IGBP1C: variants seen among roughly 807,000 people sequenced by gnomAD.
IGBP1C encodes immunoglobulin-binding protein 1 family member C.
At chr17:58,683,960 G>C in the IGBP1C span, among the ~76,000 whole-genome samples, 1 of 151,900 alleles carries the variant, frequency 6.6e-6, no homozygotes, top group Non-Finnish European at 1.5e-5. Flanking sequence ...AGCTACTCGG[G>C]AGGCTGAGGC....
chr17:58,687,184 C>A, the IGBP1C span, among the ~76,000 whole-genome samples: 1 of 152,106 alleles, frequency 6.6e-6, no homozygotes, highest in African/African-American at 2.4e-5. Context: ...GGCAATCACT[C>A]CCTGGCACTG....
At chr17:58,676,892 A>C in the IGBP1C span, among the ~76,000 whole-genome samples, 5 of 152,118 alleles carry the variant, frequency 3.3e-5, no homozygotes, top group Non-Finnish European at 7.4e-5. Context: ...GTACTTTGGG[A>C]GGACGAGGCA....
the IGBP1C span, among the ~76,000 whole-genome samples, chr17:58,689,786 T>C: frequency 6.6e-6 from 1 of 152,084 alleles, no homozygotes; most frequent in Non-Finnish European, 1.5e-5. Flanking sequence ...ACAGAGCAAA[T>C]TGCATTAAAG....
chr17:58,672,668 C>T, the IGBP1C span, among the ~76,000 whole-genome samples: 4 of 152,210 alleles, frequency 2.6e-5, no homozygotes, highest in Middle Eastern at 3.4e-3. Context: ...TGGCCTCGAA[C>T]TCCTTGGCCA....
the IGBP1C span, among the ~76,000 whole-genome samples, chr17:58,682,819 C>G: frequency 6.6e-6 from 1 of 152,160 alleles, no homozygotes; most frequent in South Asian, 2.1e-4. Flanking sequence ...CTGTCCTCCA[C>G]TGCCTTGTAA....
chr17:58,685,781 CAGG>C, the IGBP1C span, among the ~76,000 whole-genome samples: 2 of 151,396 alleles, frequency 1.3e-5, no homozygotes, highest in Non-Finnish European at 1.5e-5. Context: ...CACCTGAGGT[CAGG>C]AGTTCAAGAT....
At chr17:58,667,643 G>A in the IGBP1C span, among the ~76,000 whole-genome samples, 1 of 152,192 alleles carries the variant, frequency 6.6e-6, no homozygotes, top group South Asian at 2.1e-4. Context: ...CCAACACTTT[G>A]GGAGGCTGAG....
the IGBP1C span, chr17:58,661,482 C>A: frequency 1.3e-6 from 1 of 781,600 alleles, no homozygotes; most frequent in Non-Finnish European, 2.4e-6. Flanking sequence ...TTTTCCTGGA[C>A]TATTCGGGAA....
the IGBP1C span, among the ~76,000 whole-genome samples, chr17:58,678,952 G>A: frequency 6.7e-4 from 102 of 151,908 alleles, 2 homozygotes; most frequent in Middle Eastern, 6.8e-3. Context: ...TTAGGAGTGC[G>A]AGACCAGCCT....
chr17:58,690,502 A>G, the IGBP1C span, among the ~76,000 whole-genome samples: 1 of 152,152 alleles, frequency 6.6e-6, no homozygotes, highest in Admixed American at 6.5e-5. Flanking sequence ...AACGAAAGAA[A>G]TTCTAAACAC....
the IGBP1C span, among the ~76,000 whole-genome samples, chr17:58,670,632 G>C: frequency 6.6e-6 from 1 of 151,588 alleles, no homozygotes; most frequent in South Asian, 2.1e-4. Flanking sequence ...AATTAGCTGG[G>C]TGTGGTGGCA....
At chr17:58,679,432 A>G in the IGBP1C span, 1 of 140,146 alleles carries the variant, frequency 7.1e-6, no homozygotes, top group Admixed American at 7.1e-5. Context: ...GAAGGCATCA[A>G]TCTCTCGCTA....
chr17:58,662,108 T>C, the IGBP1C span, among the ~76,000 whole-genome samples: 11 of 151,582 alleles, frequency 7.3e-5, no homozygotes, highest in Non-Finnish European at 1.0e-4. Flanking sequence ...TAAAAAGTAC[T>C]GGGATTACAG....
chr17:58,690,155 G>T, the IGBP1C span, among the ~76,000 whole-genome samples: 2 of 150,060 alleles, frequency 1.3e-5, no homozygotes. Context: ...GGGTTTTTTT[G>T]TTTTTTTTAT....
chr17:58,671,119 C>A, the IGBP1C span, among the ~76,000 whole-genome samples: 8 of 152,136 alleles, frequency 5.3e-5, no homozygotes, highest in African/African-American at 1.9e-4. Context: ...CTTTGAGCTA[C>A]ATCCTGGGTA....
At chr17:58,681,477 T>C in the IGBP1C span, among the ~76,000 whole-genome samples, 1,401 of 152,262 alleles carry the variant, frequency 9.2e-3, 25 homozygotes, top group African/African-American at 0.031. Context: ...ATGTAATATA[T>C]ATATACATAC....
At chr17:58,667,176 G>A in the IGBP1C span, among the ~76,000 whole-genome samples, 1 of 152,070 alleles carries the variant, frequency 6.6e-6, no homozygotes, top group Non-Finnish European at 1.5e-5. Context: ...GAACCACCCC[G>A]GCATCATTTC....
the IGBP1C span, among the ~76,000 whole-genome samples, chr17:58,691,373 A>G: frequency 1.5e-4 from 23 of 151,854 alleles, no homozygotes; most frequent in Admixed American, 3.9e-4. Context: ...AAGACTAAGA[A>G]TCATTGCCAA....
At chr17:58,681,463 T>C in the IGBP1C span, among the ~76,000 whole-genome samples, 1 of 152,106 alleles carries the variant, frequency 6.6e-6, no homozygotes, top group Non-Finnish European at 1.5e-5. Flanking sequence ...TTCAAAGAAG[T>C]ATTATGTAAT....
Sources: allele counts gnomAD v4.1 joint callset (sites outside exome capture counted in the v4.1 genomes callset), GRCh38; gene constraint gnomAD v4.1.1; transcripts MANE v1.5; gene names NCBI Gene and HGNC (gene_info 2026-07-23, HGNC 2026-07-21).